GNG12: variants seen among roughly 807,000 people sequenced by gnomAD.
The protein encoded by GNG12 is G protein subunit gamma 12.
For synonymous variants in GNG12, 28 were observed against 29.7 expected (o/e 0.94, Z 0.19); for missense variants, 69 against 83.8 (o/e 0.82, Z 0.69).
At chr1:67,743,642 C>A (rs1646494335) in intron 2 of GNG12, among the ~76,000 whole-genome samples, 1 of 152,202 alleles carries the variant, frequency 6.6e-6, no homozygotes, top group Non-Finnish European at 1.5e-5. Flanking sequence ...TGACTGCCCC[C>A]TACCTCCCCT....
intron 2 of GNG12, among the ~76,000 whole-genome samples, chr1:67,740,615 C>T (rs1011502647): frequency 2.0e-5 from 3 of 152,174 alleles, no homozygotes; most frequent in Admixed American, 6.5e-5. Context: ...ATAATTGCTA[C>T]GGTTTAAATG....
intron 2 of GNG12, among the ~76,000 whole-genome samples, chr1:67,713,998 A>G (rs1224289956): frequency 6.6e-6 from 1 of 152,252 alleles, no homozygotes; most frequent in Non-Finnish European, 1.5e-5. Flanking sequence ...GTTCTTAAGA[A>G]TAGTTCCTCT....
At chr1:67,749,176 CTTAG>C (rs1646524633) in intron 2 of GNG12, among the ~76,000 whole-genome samples, 1 of 152,184 alleles carries the variant, frequency 6.6e-6, no homozygotes. Context: ...AGTCTGCTAA[CTTAG>C]TTTGGAGGGA....
chr1:67,810,278 C>G (rs990144524), intron 1 of GNG12, among the ~76,000 whole-genome samples: 14 of 152,166 alleles, frequency 9.2e-5, no homozygotes, highest in African/African-American at 3.4e-4. Flanking sequence ...ATAGGCAGAG[C>G]ACACAGGACT....
At position 67,715,059 on chromosome 1, in the gene GNG12, C is replaced by T. The variant is rs375379745; in HGVS notation, c.-26-7347G>A. ...TTAGCCTCCCGAGTAGCTGGGATTA[C>T]AGGCACCCGCCACCACACCTGGCTA... On this transcript the variant is annotated intron_variant, in intron 2 of 3. Coordinates refer to ENST00000370982, the MANE Select transcript of GNG12 (RefSeq NM_018841.6). Among the ~76,000 whole-genome samples the T allele has an allele frequency of 2.9e-3, 440 of 152,296 alleles. No individual in the cohort carries two copies. In the Middle Eastern group the frequency reaches 0.041, roughly 14 times the overall value.
intron 2 of GNG12, among the ~76,000 whole-genome samples, chr1:67,734,478 G>A (rs768601297): frequency 6.6e-6 from 1 of 152,154 alleles, no homozygotes; most frequent in South Asian, 2.1e-4. Context: ...GTCACCCTAT[G>A]CAAGAGTGCT....
At chr1:67,798,099 A>G (rs2100792565) in intron 1 of GNG12, among the ~76,000 whole-genome samples, 1 of 151,762 alleles carries the variant, frequency 6.6e-6, no homozygotes, top group East Asian at 1.9e-4. Context: ...TTGCTTTCCA[A>G]TGCCCTACAC....
At chr1:67,711,629 C>T (rs916641650) in intron 2 of GNG12, among the ~76,000 whole-genome samples, 6 of 151,954 alleles carry the variant, frequency 3.9e-5, no homozygotes, top group South Asian at 2.1e-4. Context: ...TCTTGGGATC[C>T]GAGTTAATCT....
intron 2 of GNG12, among the ~76,000 whole-genome samples, chr1:67,707,934 C>T (rs1646259780): frequency 6.6e-6 from 1 of 152,142 alleles, no homozygotes; most frequent in African/African-American, 2.4e-5. Flanking sequence ...TTGCAGAAAC[C>T]CAGCACTAGC....
At chr1:67,765,004 T>G (rs1451934179) in intron 2 of GNG12, among the ~76,000 whole-genome samples, 2 of 152,236 alleles carry the variant, frequency 1.3e-5, no homozygotes, top group African/African-American at 4.8e-5. Flanking sequence ...AAGCAACAGA[T>G]TATATTGTCA....
chr1:67,766,375 C>A (rs1294938618), intron 2 of GNG12, among the ~76,000 whole-genome samples: 3 of 138,266 alleles, frequency 2.2e-5, no homozygotes, highest in Non-Finnish European at 5.0e-5. Context: ...TATTCACATA[C>A]AAAGGGGTCT....
intron 2 of GNG12, among the ~76,000 whole-genome samples, chr1:67,734,944 C>T (rs1331409584): frequency 2.6e-5 from 4 of 152,168 alleles, no homozygotes; most frequent in Non-Finnish European, 5.9e-5. Context: ...ACCTCTGCCT[C>T]CTGACTTCAA....
At chr1:67,739,101 C>T (rs979225712) in intron 2 of GNG12, among the ~76,000 whole-genome samples, 12 of 152,190 alleles carry the variant, frequency 7.9e-5, no homozygotes, top group African/African-American at 2.4e-4. Flanking sequence ...ATCGCTTGAA[C>T]CTAGGAGGCG....
intron 2 of GNG12, among the ~76,000 whole-genome samples, chr1:67,710,933 G>A (rs765434610): frequency 1.3e-5 from 2 of 152,082 alleles, no homozygotes; most frequent in Non-Finnish European, 2.9e-5. Context: ...CAGGCACACA[G>A]CTCCTGCCCT....
chr1:67,710,958 TAAAC>T (rs200586598), intron 2 of GNG12, among the ~76,000 whole-genome samples: 2,516 of 152,188 alleles, frequency 0.017, 63 homozygotes, highest in Non-Finnish European at 0.026. Context: ...GAGAAAACGT[TAAAC>T]AAGCCATTAG....
chr1:67,817,764 T>C (rs1352499203), intron 1 of GNG12, among the ~76,000 whole-genome samples: 1 of 150,684 alleles, frequency 6.6e-6, no homozygotes, highest in African/African-American at 2.4e-5. Flanking sequence ...TGTTAATAAA[T>C]GTTTTCTTTT....
intron 1 of GNG12, among the ~76,000 whole-genome samples, chr1:67,825,332 T>C (rs1647005257): frequency 6.6e-6 from 1 of 152,092 alleles, no homozygotes; most frequent in Non-Finnish European, 1.5e-5. Context: ...TTTCACAAGG[T>C]GTATTGTCTC....
chr1:67,746,277 G>A (rs1472935276), intron 2 of GNG12, among the ~76,000 whole-genome samples: 1 of 152,186 alleles, frequency 6.6e-6, no homozygotes, highest in Non-Finnish European at 1.5e-5. Context: ...TAAACTACCT[G>A]CTGACAAAGG....
At chr1:67,751,623 G>A (rs761550393) in intron 2 of GNG12, among the ~76,000 whole-genome samples, 4 of 152,176 alleles carry the variant, frequency 2.6e-5, no homozygotes, top group South Asian at 2.1e-4. Flanking sequence ...GTCGACTGGC[G>A]TACTGCTTCT....
Sources: gnomAD v4.1 joint callset for allele counts (sites outside exome capture counted in the v4.1 genomes callset) on GRCh38, gnomAD v4.1.1 for gene constraint, MANE v1.5 for transcripts, NCBI Gene and HGNC (gene_info 2026-07-23, HGNC 2026-07-21) for gene names.